Variants in SSBP3 observed in about 807,000 individuals in gnomAD.
SSBP3 encodes the protein single stranded DNA binding protein 3.
Under a neutral mutation model 69.6 loss-of-function variants are expected in SSBP3, and 5 were observed. The observed-to-expected ratio is 0.07, with a 90% CI of 0.04 to 0.15. SSBP3 has a LOEUF of 0.15. Ranked by LOEUF, SSBP3 falls within the 10% of genes least tolerant of loss-of-function variation. SSBP3 has a pLI of 1.00. For synonymous variants in SSBP3, 196 were observed against 193.4 expected, an observed-to-expected ratio of 1.01 and a Z score of -0.11; for missense variants, 312 against 534.0, an observed-to-expected ratio of 0.58 and a Z score of 4.10.
Position 54,374,069 on chromosome 1 carries a change from G to A in SSBP3, c.276+27792C>T, listed in dbSNP as rs181574929. 2.6e-5 allele frequency among the ~76,000 whole-genome samples: 4 copies of A among 152,320 alleles called. No homozygotes were observed. In the East Asian group the frequency reaches 7.7e-4, roughly 29 times the overall value. Reference sequence around the variant, plus strand: ...ACATCATGGGAAGAGGTGACTAAAGGGCTCAAAGAGCCCAATGGGCACTGG... The same window carrying A: ...ACATCATGGGAAGAGGTGACTAAAGAGCTCAAAGAGCCCAATGGGCACTGG... On this transcript the variant is annotated intron_variant, in intron 4 of 17. Transcript: ENST00000610401.
At chr1:54,288,646 T>C (rs1428325896) in intron 4 of SSBP3, among the ~76,000 whole-genome samples, 1 of 152,044 alleles carries the variant, frequency 6.6e-6, no homozygotes, top group Non-Finnish European at 1.5e-5. Flanking sequence ...ATTTCTGTTT[T>C]CCTGGTAAGG....
At chr1:54,235,056 C>T (rs1452620896) in intron 14 of SSBP3, among the ~76,000 whole-genome samples, 2 of 152,202 alleles carry the variant, frequency 1.3e-5, no homozygotes, top group African/African-American at 2.4e-5. Context: ...CACGGTACCA[C>T]CAAACTAAAT....
intron 10 of SSBP3, chr1:54,242,949 C>CA (rs965999538): frequency 1.3e-4 from 44 of 346,758 alleles, no homozygotes; most frequent in African/African-American, 2.9e-4. Flanking sequence ...GACTCTGTCT[C>CA]AAAAAAAATA....
chr1:54,306,204 G>A (rs773104847), intron 4 of SSBP3, among the ~76,000 whole-genome samples: 7 of 152,060 alleles, frequency 4.6e-5, no homozygotes, highest in South Asian at 2.1e-4. Context: ...AGCACAGAAC[G>A]CACTGGGTCC....
At chr1:54,387,825 C>CTA (rs1362338624) in intron 4 of SSBP3, among the ~76,000 whole-genome samples, 1 of 152,158 alleles carries the variant, frequency 6.6e-6, no homozygotes, top group African/African-American at 2.4e-5. Flanking sequence ...TCAGCTCTAT[C>CTA]AATATCCTCA....
At chr1:54,280,569 C>T (rs1162690041) in intron 5 of SSBP3, among the ~76,000 whole-genome samples, 7 of 151,500 alleles carry the variant, frequency 4.6e-5, no homozygotes, top group Non-Finnish European at 7.4e-5. Flanking sequence ...ACTCAGCTGC[C>T]GACAGGCTTG....
intron 14 of SSBP3, among the ~76,000 whole-genome samples, chr1:54,232,792 C>T (rs544482555): frequency 2.2e-4 from 33 of 152,326 alleles, no homozygotes; most frequent in African/African-American, 6.5e-4. Flanking sequence ...CTGTGTTGGC[C>T]GGGCCGTCTC....
intron 4 of SSBP3, among the ~76,000 whole-genome samples, chr1:54,337,484 G>GT (rs1203018944): frequency 8.9e-5 from 7 of 78,914 alleles, no homozygotes; most frequent in South Asian, 4.6e-4. Context: ...TTTTCCTCAA[G>GT]CTTTTTTTTT....
At chr1:54,332,600 A>G (rs1049540675) in intron 4 of SSBP3, among the ~76,000 whole-genome samples, 2 of 152,148 alleles carry the variant, frequency 1.3e-5, no homozygotes, top group Non-Finnish European at 2.9e-5. Context: ...GGCCTCTAAG[A>G]AGTCACTTCA....
At chr1:54,336,322 C>T (rs535773478) in intron 4 of SSBP3, among the ~76,000 whole-genome samples, 6 of 152,336 alleles carry the variant, frequency 3.9e-5, no homozygotes, top group East Asian at 3.9e-4. Flanking sequence ...GGGGACTCAC[C>T]GGAAATCTTC....
In SSBP3 at chr1:54,289,040, AAAAAC is replaced by A. The variant is rs1557499470; in HGVS notation, c.277-7518_277-7514del. ...GTCTCCAAAAAAAAAAAAAAAACAA[AAAAAC>A]AAAAAAAAAAAACAGTAATGTCCCA... On this transcript the variant is annotated intron_variant, in intron 4 of 17. Coordinates refer to ENST00000610401, the Ensembl canonical transcript of SSBP3. Among the ~76,000 whole-genome samples the A allele has an allele frequency of 3.7e-5, 2 of 53,868 alleles. 1 individual carries two copies. The highest frequency in any genetic ancestry group is 2.9e-4 in the Admixed American group (2 of 6,828). The allele number at this position is 53,868 out of a possible 152,430, so 35.3% of individuals were successfully genotyped here.
At chr1:54,357,030 C>T (rs1646879810) in intron 4 of SSBP3, among the ~76,000 whole-genome samples, 2 of 147,712 alleles carry the variant, frequency 1.4e-5, no homozygotes, top group African/African-American at 4.9e-5. Context: ...GGGAACAGGG[C>T]TCACAGGGGT....
At chr1:54,375,663 C>T (rs1267536635) in intron 4 of SSBP3, among the ~76,000 whole-genome samples, 2 of 152,214 alleles carry the variant, frequency 1.3e-5, no homozygotes, top group Non-Finnish European at 2.9e-5. Context: ...CTCCAGTCGC[C>T]TGGTGGAAAG....
At chr1:54,381,664 G>C (rs1050475557) in intron 4 of SSBP3, among the ~76,000 whole-genome samples, 1 of 152,138 alleles carries the variant, frequency 6.6e-6, no homozygotes, top group East Asian at 1.9e-4. Flanking sequence ...ACCCACCCAC[G>C]CTGGGACCAC....
chr1:54,381,039 T>C (rs1647593521), intron 4 of SSBP3, among the ~76,000 whole-genome samples: 2 of 150,902 alleles, frequency 1.3e-5, no homozygotes, highest in Admixed American at 1.3e-4. Flanking sequence ...GCAGGAGGAG[T>C]TTGAGGCTGC....
chr1:54,386,682 A>ATTTTTTTTTT (rs1648104342), intron 4 of SSBP3, among the ~76,000 whole-genome samples: 1 of 55,052 alleles, frequency 1.8e-5, no homozygotes, highest in African/African-American at 1.4e-4. Flanking sequence ...AACTGATCCT[A>ATTTTTTTTTT]CTTTTTTTTT....
At chr1:54,405,108 TG>T (rs1649623248) in intron 1 of SSBP3, among the ~76,000 whole-genome samples, 178 bp from the exon 2 acceptor site, 1 of 151,756 alleles carries the variant, frequency 6.6e-6, no homozygotes, top group Non-Finnish European at 1.5e-5. Context: ...AGTTAGGGGG[TG>T]GGGACCAGGG....
chr1:54,231,556 A>G (rs1400894621), intron 14 of SSBP3, among the ~76,000 whole-genome samples: 3 of 152,108 alleles, frequency 2.0e-5, no homozygotes, highest in Non-Finnish European at 2.9e-5. Context: ...TTCTTTTGCT[A>G]CTTGTGCTTT....
chr1:54,228,806 C>T (rs1434448391), exon 15 of SSBP3: 29 of 1,611,692 alleles, frequency 1.8e-5, no homozygotes, highest in Admixed American at 3.3e-5. Flanking sequence ...TCGGACCGTC[C>T]GAGCCGGGAC....
Sources: gnomAD v4.1 joint callset for allele counts (sites outside exome capture counted in the v4.1 genomes callset) on GRCh38, gnomAD v4.1.1 for gene constraint, MANE v1.5 for transcripts, NCBI Gene and HGNC (gene_info 2026-07-23, HGNC 2026-07-21) for gene names.